EHBP1: variants seen among roughly 807,000 people sequenced by gnomAD.
EHBP1 encodes EH domain-binding protein 1.
EHBP1 carries 55 observed loss-of-function variants against 144.0 expected under a neutral mutation model. The ratio of observed to expected loss-of-function variants is 0.38; its 90% confidence interval spans 0.31 to 0.48. The LOEUF (loss-of-function observed/expected upper bound fraction) is 0.48, where lower values mean the gene tolerates loss of function less well. Ranked by LOEUF, EHBP1 falls within the 20% of genes least tolerant of loss-of-function variation. EHBP1 has a pLI of 0.98. For synonymous variants in EHBP1, 469 were observed against 472.7 expected (o/e 0.99, Z 0.10); for missense variants, 1,200 against 1,364.2 (o/e 0.88, Z 1.90).
intron 19 of EHBP1, among the ~76,000 whole-genome samples, chr2:63,007,796 T>C (rs1343405698): frequency 2.6e-5 from 4 of 151,686 alleles, no homozygotes; most frequent in Non-Finnish European, 5.9e-5. Context: ...TTCAGCAGGG[T>C]TTTTAGTACA....
At position 62,990,787 on chromosome 2, in the gene EHBP1, C is replaced by T; in HGVS notation, c.2680C>T (p.Pro894Ser). 2 of 1,613,868 alleles carry T rather than the reference C, an allele frequency of 1.2e-6. No homozygotes were observed. Among genetic ancestry groups the T allele is most frequent in the South Asian group, 1.1e-5 (1 of 91,074 alleles). ...LEVQPQVANS[P>S]SSAAQKAVTE... The stretch of plus-strand genomic sequence containing the variant: ...AGTTCAGCCACAGGTGGCAAATTCA[C>T]CCTCCAGTGCTGCCCAGAAAGCTGT... Residue 894 changes from proline to serine, a missense_variant, in exon 16 of 23, where the codon CCC becomes TCC. Pro to Ser is a moderately conservative substitution (Grantham distance 74, BLOSUM62 -1). Transcript: ENST00000431489.
intron 5 of EHBP1, among the ~76,000 whole-genome samples, chr2:62,823,493 T>C (rs565111548): frequency 6.6e-6 from 1 of 152,236 alleles, no homozygotes; most frequent in South Asian, 2.1e-4. Context: ...GGCTGATCCC[T>C]AGTCCCTTTA....
intron 9 of EHBP1, among the ~76,000 whole-genome samples, chr2:62,872,934 A>C (rs534011914): frequency 1.3e-5 from 2 of 152,178 alleles, no homozygotes; most frequent in Non-Finnish European, 2.9e-5. Flanking sequence ...AACTTTTATA[A>C]GTAGAGGCTT....
chr2:62,880,024 A>G (rs187675990), intron 10 of EHBP1, among the ~76,000 whole-genome samples: 1 of 152,160 alleles, frequency 6.6e-6, no homozygotes, highest in Non-Finnish European at 1.5e-5. Flanking sequence ...CGCACAGACC[A>G]ATGGAACAGT....
intron 13 of EHBP1, among the ~76,000 whole-genome samples, chr2:62,952,238 C>T (rs186313282): frequency 6.6e-6 from 1 of 152,294 alleles, no homozygotes; most frequent in Admixed American, 6.5e-5. Flanking sequence ...TAACAATAAA[C>T]ACTGTAATAT....
At chr2:62,853,660 C>T (rs1394000359) in intron 7 of EHBP1, among the ~76,000 whole-genome samples, 1 of 152,160 alleles carries the variant, frequency 6.6e-6, no homozygotes, top group Non-Finnish European at 1.5e-5. Context: ...CTGCCCAGAT[C>T]ATTAGAGGAA....
At chr2:62,849,741 A>G (rs1282929363) in intron 7 of EHBP1, among the ~76,000 whole-genome samples, 1 of 152,192 alleles carries the variant, frequency 6.6e-6, no homozygotes, top group Non-Finnish European at 1.5e-5. Flanking sequence ...AGTACTAGCT[A>G]TGGGCTTAAA....
chr2:62,996,615 T>C (rs1260507874), intron 18 of EHBP1, 28 bp from the exon 19 acceptor site: 1 of 1,612,614 alleles, frequency 6.2e-7, no homozygotes, highest in Admixed American at 1.7e-5. Context: ...GTGATTTTTT[T>C]TTCCTTCCTG....
chr2:62,701,200 T>TA (rs2034271213), upstream of EHBP1, among the ~76,000 whole-genome samples: 4 of 152,184 alleles, frequency 2.6e-5, no homozygotes, highest in Admixed American at 2.6e-4. Context: ...GGCATATATA[T>TA]AATTTACATT....
At chr2:62,677,032 A>C (rs968806917) in intron 1 of EHBP1, among the ~76,000 whole-genome samples, 13 of 152,294 alleles carry the variant, frequency 8.5e-5, no homozygotes, top group Non-Finnish European at 1.6e-4. Context: ...GCATGGTGGC[A>C]CATTCTCGCA....
At chr2:62,729,538 AT>A (rs1296642094) in intron 2 of EHBP1, among the ~76,000 whole-genome samples, 4 of 121,514 alleles carry the variant, frequency 3.3e-5, no homozygotes, top group African/African-American at 3.2e-5. Context: ...AATATATATA[AT>A]ATATATTATA....
chr2:62,990,710 T>C lies in EHBP1; in HGVS notation c.2609-6T>C. The C allele has an allele frequency of 6.2e-7, 1 of 1,613,438 alleles. No homozygotes were observed. Among genetic ancestry groups the C allele is most frequent in the Non-Finnish European group, 8.5e-7 (1 of 1,179,596 alleles). On this transcript the variant is annotated splice_polypyrimidine_tract_variant and splice_region_variant and intron_variant, in intron 15 of 22. Transcript: ENST00000431489. The stretch of plus-strand genomic sequence containing the variant: ...CAGTTATTCATGGTATTTGCATATT[T>C]AACAGAACAAAACAGTAAGTTGGTG...
chr2:62,737,752 C>T (rs865803587), intron 2 of EHBP1, among the ~76,000 whole-genome samples: 9 of 152,066 alleles, frequency 5.9e-5, no homozygotes, highest in African/African-American at 1.7e-4. Context: ...TTGTTATTGT[C>T]TGTCTTTAAA....
At chr2:62,713,915 A>G (rs1016645147) in intron 2 of EHBP1, among the ~76,000 whole-genome samples, 1 of 152,142 alleles carries the variant, frequency 6.6e-6, no homozygotes, top group South Asian at 2.1e-4. Flanking sequence ...GAACAGTTTT[A>G]CAAAATTCAA....
intron 5 of EHBP1, among the ~76,000 whole-genome samples, chr2:62,810,292 A>G (rs939200093): frequency 1.3e-5 from 2 of 152,226 alleles, no homozygotes; most frequent in African/African-American, 4.8e-5. Context: ...ATCACGGAAG[A>G]TGAAACCGAG....
chr2:62,896,292 AC>A (rs1297592040), intron 10 of EHBP1, among the ~76,000 whole-genome samples: 2 of 152,182 alleles, frequency 1.3e-5, no homozygotes, highest in Non-Finnish European at 2.9e-5. Context: ...AGGCTATGTA[AC>A]TGGAAAGGAG....
intron 2 of EHBP1, among the ~76,000 whole-genome samples, chr2:62,743,749 G>A (rs1334422392): frequency 5.3e-5 from 8 of 152,096 alleles, no homozygotes; most frequent in Non-Finnish European, 8.8e-5. Context: ...AGCTCACTTA[G>A]TGGTGAAGAG....
At chr2:62,950,116 G>C (rs538130097) in intron 13 of EHBP1, among the ~76,000 whole-genome samples, 7 of 151,812 alleles carry the variant, frequency 4.6e-5, no homozygotes, top group Non-Finnish European at 2.9e-5. Context: ...TTTTGATTTA[G>C]AGTTGTTGGT....
intron 19 of EHBP1, among the ~76,000 whole-genome samples, chr2:63,012,346 C>T (rs1284674075): frequency 6.6e-6 from 1 of 152,038 alleles, no homozygotes; most frequent in Non-Finnish European, 1.5e-5. Flanking sequence ...CTATATCTCA[C>T]TCACTGCTCT....
Sources: gnomAD v4.1 joint callset for allele counts (sites outside exome capture counted in the v4.1 genomes callset) on GRCh38, gnomAD v4.1.1 for gene constraint, MANE v1.5 for transcripts, NCBI Gene and HGNC (gene_info 2026-07-23, HGNC 2026-07-21) for gene names.